Variants in ENOX1 observed in about 807,000 individuals in gnomAD.
The protein encoded by ENOX1 is ecto-NOX disulfide-thiol exchanger 1.
A neutral mutation model predicts 82.5 loss-of-function variants in ENOX1; 42 were observed. The observed-to-expected ratio is 0.51, with a 90% CI of 0.40 to 0.66. ENOX1 has a LOEUF of 0.66. ENOX1 is among the 30% of genes least tolerant of loss of function. ENOX1 has a pLI of 0.00. For missense variants in ENOX1, 608 were observed against 811.6 expected (o/e 0.75, Z 3.05); for synonymous variants, 271 against 282.2 (o/e 0.96, Z 0.40).
At position 43,634,534 on chromosome 13, in the gene ENOX1, T is replaced by C. The variant is rs116033182; in HGVS notation, c.-219+32945A>G. Among the ~76,000 whole-genome samples, 1,003 of 152,280 alleles carry C rather than the reference T, an allele frequency of 6.6e-3. 8 individuals carry two copies. Among genetic ancestry groups the C allele is most frequent in the African/African-American group, 0.023 (970 of 41,556 alleles). On this transcript the variant is annotated intron_variant, in intron 2 of 16. Transcript: ENST00000690772. ...AGAGAAGGAGCTCTGCAACAATATA[T>C]GGAACAGGTCAAAAAGCAGTACCCA...
At chr13:43,377,137 G>C (rs766961929) in intron 5 of ENOX1, among the ~76,000 whole-genome samples, 1 of 152,212 alleles carries the variant, frequency 6.6e-6, no homozygotes, top group Non-Finnish European at 1.5e-5. Flanking sequence ...TAGGCTATGA[G>C]GGAGGTTATG....
intron 2 of ENOX1, among the ~76,000 whole-genome samples, chr13:43,596,976 AAAG>A (rs1308065900): frequency 1.3e-5 from 2 of 152,196 alleles, no homozygotes; most frequent in Non-Finnish European, 2.9e-5. Flanking sequence ...TTTATGAAGA[AAAG>A]AAGTTTAATT....
chr13:43,776,823 GAA>G (rs372000193), intron 1 of ENOX1, among the ~76,000 whole-genome samples: 5 of 139,956 alleles, frequency 3.6e-5, no homozygotes, highest in Admixed American at 2.2e-4. Flanking sequence ...CACAGCTAGG[GAA>G]AAAAAAAAAA....
intron 5 of ENOX1, among the ~76,000 whole-genome samples, chr13:43,410,597 TGTATACAC>T (rs1192366501): frequency 1.4e-5 from 2 of 147,146 alleles, no homozygotes; most frequent in African/African-American, 5.0e-5. Context: ...TATATATATG[TGTATACAC>T]ATATACACAT....
intron 2 of ENOX1, among the ~76,000 whole-genome samples, chr13:43,492,035 G>T (rs2076636268): frequency 6.6e-6 from 1 of 152,176 alleles, no homozygotes. Context: ...TGCATGGGGT[G>T]TCGCCTATGA....
intron 2 of ENOX1, among the ~76,000 whole-genome samples, chr13:43,603,910 G>A (rs1338120678): frequency 2.0e-5 from 2 of 101,588 alleles, no homozygotes; most frequent in African/African-American, 8.9e-5. Flanking sequence ...CCCAGTAATG[G>A]GATGGCTGGG....
intron 2 of ENOX1, among the ~76,000 whole-genome samples, chr13:43,619,351 G>T (rs1476378546): frequency 6.6e-6 from 1 of 152,022 alleles, no homozygotes; most frequent in Non-Finnish European, 1.5e-5. Context: ...ATGCTTTCAA[G>T]TTTTCCCCAT....
intron 5 of ENOX1, among the ~76,000 whole-genome samples, chr13:43,376,762 T>C (rs2051664674): frequency 6.6e-6 from 1 of 152,194 alleles, no homozygotes. Flanking sequence ...GGCCACCATC[T>C]GTCAAGAAGT....
At chr13:43,285,766 C>A (rs535799010) in intron 12 of ENOX1, among the ~76,000 whole-genome samples, 4 of 143,630 alleles carry the variant, frequency 2.8e-5, no homozygotes. Context: ...GCCGAGATTG[C>A]GCCACTGCAC....
At chr13:43,390,581 A>C (rs568064008) in intron 5 of ENOX1, among the ~76,000 whole-genome samples, 2 of 152,084 alleles carry the variant, frequency 1.3e-5, no homozygotes, top group South Asian at 4.2e-4. Context: ...AAAAACCTTT[A>C]CCCAAATCAG....
intron 2 of ENOX1, among the ~76,000 whole-genome samples, chr13:43,496,767 CATG>C (rs966820949): frequency 5.3e-5 from 8 of 152,140 alleles, no homozygotes; most frequent in Admixed American, 1.3e-4. Context: ...GTGTCTATTT[CATG>C]ATAACATATT....
chr13:43,667,492 G>C lies in ENOX1; in HGVS notation c.-232C>G. 1 of 985,472 alleles carries C rather than the reference G, an allele frequency of 1.0e-6. No individual in the cohort carries two copies. The highest frequency in any genetic ancestry group is 1.2e-6 in the Non-Finnish European group (1 of 829,898). The allele number at this position is 985,472 out of a possible 1,614,324, so 61.0% of individuals were successfully genotyped here. On this transcript the variant is annotated 5_prime_UTR_variant, in exon 2 of 17. Coordinates refer to ENST00000690772, the MANE Select transcript of ENOX1 (RefSeq NM_001347969.2). ...CCATCCCTTTACCTGAGCATGGTGA[G>C]CTCTCTCTCCTCCACATATTATAAA...
chr13:43,267,518 G>A (rs908629899), intron 13 of ENOX1, among the ~76,000 whole-genome samples: 4 of 152,226 alleles, frequency 2.6e-5, no homozygotes, highest in Non-Finnish European at 5.9e-5. Context: ...AATCTGCAGA[G>A]CAGGGTGTAT....
intron 3 of ENOX1, among the ~76,000 whole-genome samples, chr13:43,414,177 T>C (rs1158126196): frequency 2.0e-5 from 3 of 152,146 alleles, no homozygotes; most frequent in Non-Finnish European, 4.4e-5. Flanking sequence ...TTCTGATCAG[T>C]TGAGCAGAAG....
At chr13:43,664,107 TATA>T (rs1377035782) in intron 2 of ENOX1, among the ~76,000 whole-genome samples, 1 of 152,184 alleles carries the variant, frequency 6.6e-6, no homozygotes, top group Non-Finnish European at 1.5e-5. Flanking sequence ...CTTTCCATAA[TATA>T]ATAATTACAT....
intron 2 of ENOX1, among the ~76,000 whole-genome samples, chr13:43,616,153 G>GATATCTATATATAT (rs1566641461): frequency 6.1e-5 from 1 of 16,414 alleles, no homozygotes; most frequent in Non-Finnish European, 1.4e-4. Flanking sequence ...TATCTATATA[G>GATATCTATATATAT]ATAGATATCT....
At chr13:43,563,901 A>C (rs1020910213) in intron 2 of ENOX1, among the ~76,000 whole-genome samples, 1 of 152,110 alleles carries the variant, frequency 6.6e-6, no homozygotes, top group Non-Finnish European at 1.5e-5. Context: ...TCACCGCTGA[A>C]TTCTCCCAAA....
chr13:43,277,080 G>T (rs969750847), intron 12 of ENOX1, among the ~76,000 whole-genome samples: 2 of 152,114 alleles, frequency 1.3e-5, no homozygotes, highest in Non-Finnish European at 2.9e-5. Context: ...CCATTCAGAC[G>T]ACTGATAACA....
chr13:43,370,511 T>C (rs1226706457), intron 5 of ENOX1, among the ~76,000 whole-genome samples: 14 of 152,198 alleles, frequency 9.2e-5, no homozygotes, highest in Admixed American at 9.2e-4. Flanking sequence ...GTCAATTCCT[T>C]AGGCTGGAAG....
Sources: gnomAD v4.1 joint callset for allele counts (sites outside exome capture counted in the v4.1 genomes callset) on GRCh38, gnomAD v4.1.1 for gene constraint, MANE v1.5 for transcripts, NCBI Gene and HGNC (gene_info 2026-07-23, HGNC 2026-07-21) for gene names.